TAFA1: variants seen among roughly 807,000 people sequenced by gnomAD.
TAFA1 encodes the protein chemokine-like protein TAFA-1.
TAFA1 carries 4 observed loss-of-function variants against 18.5 expected under a neutral mutation model. The observed-to-expected ratio is 0.22, with a 90% confidence interval of 0.11 to 0.49. The LOEUF (loss-of-function observed/expected upper bound fraction) is 0.49. Ranked by LOEUF, TAFA1 falls within the 20% of genes least tolerant of loss-of-function variation. TAFA1 has a pLI of 0.98. For synonymous variants in TAFA1, 56 were observed against 55.2 expected (o/e 1.01, Z -0.06); for missense variants, 147 against 169.0 (o/e 0.87, Z 0.72).
rs1510349 is a variant in TAFA1 at position 68,459,541 on chromosome 3, C to A, written c.259+42121C>A. On this transcript the variant is annotated intron_variant, in intron 3 of 4. Coordinates refer to ENST00000478136, the MANE Select transcript of TAFA1 (RefSeq NM_213609.4). ...ACTAAACTGTTCATTTTGTAAAATACAAGTTCTGAGAATTGAATAAATATA... is the reference window on the plus strand; with the variant it reads ...ACTAAACTGTTCATTTTGTAAAATAAAAGTTCTGAGAATTGAATAAATATA... 2.1e-3 allele frequency among the ~76,000 whole-genome samples: 318 copies of A among 152,190 alleles called. 2 individuals are homozygous for A. Among genetic ancestry groups the A allele is most frequent in the African/African-American group, 7.1e-3 (295 of 41,538 alleles).
chr3:68,190,773 A>T (rs2066328190), intron 2 of TAFA1, among the ~76,000 whole-genome samples: 2 of 151,834 alleles, frequency 1.3e-5, no homozygotes. Flanking sequence ...TTTTCTTAAA[A>T]TATCTTTATG....
intron 2 of TAFA1, among the ~76,000 whole-genome samples, chr3:68,369,406 A>G (rs893737840): frequency 3.9e-5 from 6 of 152,214 alleles, no homozygotes; most frequent in Non-Finnish European, 7.3e-5. Context: ...AAAATTTACT[A>G]AAGTGAATTT....
At chr3:68,273,178 A>T (rs1224325126) in intron 2 of TAFA1, among the ~76,000 whole-genome samples, 6 of 152,188 alleles carry the variant, frequency 3.9e-5, no homozygotes, top group Non-Finnish European at 8.8e-5. Context: ...GTGTATGAGT[A>T]AAAGCCTTCA....
intron 2 of TAFA1, among the ~76,000 whole-genome samples, chr3:68,209,236 C>G (rs561755939): frequency 6.6e-6 from 1 of 151,926 alleles, no homozygotes; most frequent in Non-Finnish European, 1.5e-5. Flanking sequence ...AGCAGAGGAC[C>G]CAGCTAAAAC....
chr3:68,465,503 T>C (rs991734849), intron 3 of TAFA1, among the ~76,000 whole-genome samples: 3 of 152,168 alleles, frequency 2.0e-5, no homozygotes, highest in East Asian at 1.9e-4. Context: ...TTCTTCATAA[T>C]TGAAAAGTGA....
At chr3:68,104,282 C>CT (rs2065181020) in intron 2 of TAFA1, among the ~76,000 whole-genome samples, 1 of 151,924 alleles carries the variant, frequency 6.6e-6, no homozygotes, top group South Asian at 2.1e-4. Flanking sequence ...GGACAATTGT[C>CT]TAAGAATTCT....
At chr3:68,191,361 G>T (rs2066337960) in intron 2 of TAFA1, among the ~76,000 whole-genome samples, 1 of 151,750 alleles carries the variant, frequency 6.6e-6, no homozygotes, top group African/African-American at 2.4e-5. Context: ...TATTCAGCAT[G>T]GCGGTATTTA....
intron 2 of TAFA1, among the ~76,000 whole-genome samples, chr3:68,301,274 TAA>T (rs1345582098): frequency 6.6e-6 from 1 of 152,176 alleles, no homozygotes; most frequent in Non-Finnish European, 1.5e-5. Flanking sequence ...CCTCCTTATG[TAA>T]AAGTTATCTC....
intron 2 of TAFA1, among the ~76,000 whole-genome samples, chr3:68,201,430 T>C (rs1405300648): frequency 6.6e-6 from 1 of 151,696 alleles, no homozygotes; most frequent in Non-Finnish European, 1.5e-5. Flanking sequence ...AACTATGTCC[T>C]TTCTGATTTT....
At chr3:68,336,208 G>C (rs1241009068) in intron 2 of TAFA1, among the ~76,000 whole-genome samples, 6 of 152,164 alleles carry the variant, frequency 3.9e-5, no homozygotes, top group African/African-American at 1.4e-4. Flanking sequence ...CTAGCAGAGG[G>C]GTCCTCTCAT....
intron 3 of TAFA1, among the ~76,000 whole-genome samples, chr3:68,531,038 A>AC (rs1359451059): frequency 6.6e-6 from 1 of 151,838 alleles, no homozygotes; most frequent in Non-Finnish European, 1.5e-5. Context: ...ACAAAACAAA[A>AC]CAAAACAAAA....
chr3:68,179,568 A>G (rs147736408), intron 2 of TAFA1, among the ~76,000 whole-genome samples: 3 of 152,304 alleles, frequency 2.0e-5, no homozygotes, highest in Admixed American at 2.0e-4. Flanking sequence ...ATTAAATAAT[A>G]ATGTAATAAC....
At chr3:68,318,293 G>C (rs979735515) in intron 2 of TAFA1, among the ~76,000 whole-genome samples, 1 of 152,130 alleles carries the variant, frequency 6.6e-6, no homozygotes, top group African/African-American at 2.4e-5. Context: ...CCCTCTCCTG[G>C]CTATCAAGGA....
chr3:68,279,060 G>A (rs1350795577), intron 2 of TAFA1, among the ~76,000 whole-genome samples: 2 of 152,054 alleles, frequency 1.3e-5, no homozygotes, highest in Non-Finnish European at 2.9e-5. Context: ...TGAGTATCAG[G>A]TCCTCAGTGG....
At chr3:68,512,936 G>C (rs966985184) in intron 3 of TAFA1, among the ~76,000 whole-genome samples, 5 of 152,080 alleles carry the variant, frequency 3.3e-5, no homozygotes, top group Non-Finnish European at 7.4e-5. Flanking sequence ...CAAAGCACCA[G>C]TGTTCTCTCA....
intron 2 of TAFA1, among the ~76,000 whole-genome samples, chr3:68,301,372 T>G (rs1383710781): frequency 6.6e-6 from 1 of 152,222 alleles, no homozygotes; most frequent in Non-Finnish European, 1.5e-5. Flanking sequence ...CTAATTCTTT[T>G]TATAGGTGCA....
chr3:68,103,234 G>T (rs940115852), intron 2 of TAFA1, among the ~76,000 whole-genome samples: 1 of 152,196 alleles, frequency 6.6e-6, no homozygotes, highest in Non-Finnish European at 1.5e-5. Flanking sequence ...AGGCAGATTT[G>T]GTTAGAACTG....
At chr3:68,377,392 G>A (rs2069839387) in intron 2 of TAFA1, among the ~76,000 whole-genome samples, 1 of 152,156 alleles carries the variant, frequency 6.6e-6, no homozygotes, top group African/African-American at 2.4e-5. Context: ...TGGCACTGGA[G>A]CAAAGGTCAC....
intron 2 of TAFA1, among the ~76,000 whole-genome samples, chr3:68,370,496 A>ATGTG (rs1559637881): frequency 1.1e-5 from 1 of 89,878 alleles, no homozygotes; most frequent in African/African-American, 4.2e-5. Flanking sequence ...ATATATATAT[A>ATGTG]TATATATATA....
Sources: gnomAD v4.1 joint callset for allele counts (sites outside exome capture counted in the v4.1 genomes callset) on GRCh38, gnomAD v4.1.1 for gene constraint, MANE v1.5 for transcripts, NCBI Gene and HGNC (gene_info 2026-07-23, HGNC 2026-07-21) for gene names.